Variants in USP24 observed in about 807,000 individuals in gnomAD.
The protein encoded by USP24 is ubiquitin specific peptidase 24, also known as ubiquitin carboxyl-terminal hydrolase 24.
A neutral mutation model predicts 361.6 loss-of-function variants in USP24; 97 were observed. The observed-to-expected ratio is 0.27, with a 90% CI of 0.23 to 0.32. The LOEUF is 0.32. Ranked by LOEUF, USP24 falls within the 10% of genes least tolerant of loss-of-function variation. The pLI is 1.00. For synonymous variants in USP24, 1,098 were observed against 1,124.6 expected (o/e 0.98, Z 0.47); for missense variants, 2,353 against 3,165.6 (o/e 0.74, Z 6.16).
intron 61 of USP24, among the ~76,000 whole-genome samples, chr1:55,078,145 T>A (rs534452809): frequency 1.3e-5 from 2 of 152,280 alleles, no homozygotes; most frequent in Admixed American, 1.3e-4. Flanking sequence ...CAGAAACTAA[T>A]ATATACATAG....
intron 1 of USP24, 67 bp downstream of exon 1, chr1:55,214,723 G>T (rs950562467): frequency 8.9e-7 from 1 of 1,118,824 alleles, no homozygotes; most frequent in Non-Finnish European, 1.1e-6. Flanking sequence ...GCCCAGCGGG[G>T]TGTGTCCCCT....
At chr1:55,183,960 C>A (rs1569646601) in intron 1 of USP24, among the ~76,000 whole-genome samples, 1 of 152,118 alleles carries the variant, frequency 6.6e-6, no homozygotes. Context: ...AAAGCAATAA[C>A]CAAAGAGAGC....
In USP24 at chr1:55,182,257, G is replaced by A. The variant is rs565509319; in HGVS notation, c.325-4125C>T. Among the ~76,000 whole-genome samples the A allele has an allele frequency of 2.0e-4, 30 of 152,184 alleles. 1 individual carries two copies. In the South Asian group the frequency reaches 5.0e-3, roughly 25 times the overall value. ...AGTAGAGACGGGGTTTCACCATGTT[G>A]GCCAGGATGGTCTCGATCTCTTGAC... On this transcript the variant is annotated intron_variant, in intron 1 of 67. Transcript: ENST00000294383.
intron 22 of USP24, 64 bp downstream of exon 22, chr1:55,142,915 C>T (rs1646929447): frequency 1.4e-6 from 2 of 1,435,430 alleles, no homozygotes; most frequent in South Asian, 2.7e-5. Context: ...CAGCTTATCA[C>T]TAAAATATAC....
chr1:55,117,074 G>C (rs972100692), intron 38 of USP24, among the ~76,000 whole-genome samples: 5 of 152,234 alleles, frequency 3.3e-5, no homozygotes, highest in Admixed American at 2.0e-4. Flanking sequence ...GGGAAAGAAA[G>C]AAAAAGACCC....
chr1:55,185,736 ATT>A (rs35643676), intron 1 of USP24, among the ~76,000 whole-genome samples: 163 of 144,514 alleles, frequency 1.1e-3, no homozygotes, highest in Non-Finnish European at 1.0e-3. Context: ...CATCTTTCTG[ATT>A]TTTTTTTTTT....
chr1:55,097,646 C>A lies in USP24; in HGVS notation c.5667G>T (p.Gly1889=). ...TGGAGCGTCCGCTTTCCCAGTCAAA[C>A]CCAAATCTCATTAGGTGAATTACCA... ...SVLVIHLMRF[G]FDWESGRSIK... The change falls in exon 48 of 68, where the codon GGG becomes GGT. Residue 1889 remains glycine (G), a synonymous_variant. Transcript: ENST00000294383. The A allele has an allele frequency of 6.3e-7, 1 of 1,588,914 alleles. No homozygotes were observed. The highest frequency in any genetic ancestry group is 1.2e-5 in the South Asian group (1 of 86,826).
chr1:55,092,232 T>C (rs1161561519), intron 53 of USP24, 106 bp from the exon 54 acceptor site: 15 of 626,876 alleles, frequency 2.4e-5, no homozygotes, highest in Non-Finnish European at 3.7e-5. Flanking sequence ...GAATATGATA[T>C]ACACACATGA....
rs575640397 is a variant in USP24 at position 55,066,423 on chromosome 1, T to A, written c.*2622A>T. 1 of 152,292 alleles carries A rather than the reference T, an allele frequency of 6.6e-6. No homozygotes were observed. The highest frequency in any genetic ancestry group is 2.1e-4 in the South Asian group (1 of 4,828). 9.4% of individuals were successfully genotyped at this position (152,292 alleles called of 1,614,324 possible). A position where few individuals can be genotyped will look rare whatever the true frequency, so the allele number is the denominator to read the frequency against. On this transcript the variant is annotated 3_prime_UTR_variant, in exon 68 of 68. Transcript: ENST00000294383. ...AGAACTTTGCCACACATGAACCAAATTTAGAATTAAGGTTCTTCCCTAGTG... is the reference window on the plus strand; with the variant it reads ...AGAACTTTGCCACACATGAACCAAAATTAGAATTAAGGTTCTTCCCTAGTG...
intron 24 of USP24, 116 bp from the exon 25 acceptor site, chr1:55,139,126 G>A (rs1646818704): frequency 3.3e-6 from 3 of 913,400 alleles, no homozygotes; most frequent in Non-Finnish European, 4.9e-6. Flanking sequence ...GTCAAAGACT[G>A]AAATTTGCAA....
chr1:55,098,550 C>T lies in USP24; in HGVS notation c.5379G>A (p.Gly1793=), dbSNP rs902095745. Residue 1793 remains glycine (G), a synonymous_variant, in exon 46 of 68, where the codon GGG becomes GGA. Transcript: ENST00000294383. ...ATGTATTCTTAAAAATTTGGTCTCT[C>T]CCCATTTTCTGTTGGAATGAAAAGT... is the stretch of plus-strand genomic sequence containing the variant. ...DQMDEYLKKM[G]RDQIFKNTFQ... 4.3e-6 allele frequency: 7 copies of T among 1,610,584 alleles called. No homozygotes were observed. In the African/African-American group the frequency reaches 9.3e-5, roughly 22 times the overall value.
At chr1:55,146,781 T>C (rs1647040181) in intron 19 of USP24, 148 bp downstream of exon 19, 2 of 819,200 alleles carry the variant, frequency 2.4e-6, no homozygotes, top group Non-Finnish European at 3.5e-6. Flanking sequence ...ATATGTTATA[T>C]AAAACATTTT....
At chr1:55,098,385 G>C in intron 46 of USP24, 91 bp downstream of exon 46, 1 of 1,165,254 alleles carries the variant, frequency 8.6e-7, no homozygotes, top group Non-Finnish European at 1.2e-6. Context: ...AGAGTTCTAA[G>C]TCTCTTAACA....
intron 38 of USP24, 140 bp from the exon 39 acceptor site, chr1:55,110,386 C>A: frequency 8.0e-6 from 5 of 628,026 alleles, no homozygotes; most frequent in Non-Finnish European, 1.1e-5. Context: ...AACTCAAATT[C>A]CATATTTTAG....
intron 33 of USP24, 38 bp from the exon 34 acceptor site, chr1:55,125,586 C>G (rs746271808): frequency 6.3e-7 from 1 of 1,590,344 alleles, no homozygotes; most frequent in Admixed American, 1.8e-5. Context: ...TGAGTCCATT[C>G]ATACTATTTA....
rs763111449 is a variant in USP24 at position 55,124,547 on chromosome 1, G to A, written c.4042C>T (p.Leu1348Phe). ...SWAAAAGRLD[L>F]VGSSQPIKES... ...TTAATTGGCTGGCTACTCCCAACAA[G>A]ATCAAGCCGTCCTGCAGCCGCAGCC... is the stretch of plus-strand genomic sequence containing the variant. Residue 1348 changes from leucine (L) to phenylalanine (F), a missense_variant, in exon 35 of 68, where the codon CTT (leucine) becomes TTT (phenylalanine). Leu to Phe is a conservative substitution (Grantham distance 22). Around this residue, in one of 8 missense-constraint regions of USP24, gnomAD observed 949 missense variants for 1,280.5 expected, o/e 0.74. Coordinates refer to ENST00000294383, the MANE Select transcript of USP24 (RefSeq NM_015306.3). 6.2e-7 allele frequency: 1 copy of A among 1,613,762 alleles called. No individual in the cohort carries two copies. The highest frequency in any genetic ancestry group is 1.3e-5 in the African/African-American group (1 of 74,924).
intron 38 of USP24, among the ~76,000 whole-genome samples, chr1:55,116,073 C>T (rs759475944): frequency 5.9e-5 from 9 of 152,068 alleles, no homozygotes; most frequent in East Asian, 1.9e-4. Context: ...ATGTAGATGA[C>T]GGGTTGATGG....
At chr1:55,138,210 T>C (rs527784425) in intron 26 of USP24, among the ~76,000 whole-genome samples, 40 of 152,316 alleles carry the variant, frequency 2.6e-4, no homozygotes, top group Admixed American at 1.5e-3. Context: ...CTTGCCTTTG[T>C]ACCTGTTCTT....
intron 1 of USP24, among the ~76,000 whole-genome samples, chr1:55,196,924 T>C (rs1312877506): frequency 1.3e-5 from 2 of 152,192 alleles, no homozygotes; most frequent in African/African-American, 4.8e-5. Context: ...AGGTGTTCCT[T>C]CCACTTAAAG....
Sources: allele counts gnomAD v4.1 joint callset (sites outside exome capture counted in the v4.1 genomes callset), GRCh38; gene constraint gnomAD v4.1.1; regional missense constraint gnomAD v4.1.1; transcripts MANE v1.5; gene names NCBI Gene and HGNC (gene_info 2026-07-23, HGNC 2026-07-21).